The following CYP19A1 variants were observed in gnomAD, a reference collection of about 807,000 sequenced individuals.
The protein encoded by CYP19A1 is cytochrome P450 family 19 subfamily A member 1, also known as aromatase.
CYP19A1 carries 32 observed loss-of-function variants against 44.4 expected under a neutral mutation model. The observed-to-expected ratio is 0.72, with a 90% CI of 0.54 to 0.97. CYP19A1 has a LOEUF of 0.97. Ranked by LOEUF, CYP19A1 falls within the 50% of genes least tolerant of loss-of-function variation. The probability of loss-of-function intolerance (pLI) is 0.00; values close to 1 mark genes in which losing one functional copy is unlikely to be tolerated. For missense variants in CYP19A1, 598 were observed against 637.8 expected, an observed-to-expected ratio of 0.94 and a Z score of 0.67; for synonymous variants, 212 against 215.6, an observed-to-expected ratio of 0.98 and a Z score of 0.14.
chr15:51,292,013 G>A (rs534738997), intron 1 of CYP19A1, among the ~76,000 whole-genome samples: 6 of 152,312 alleles, frequency 3.9e-5, no homozygotes, highest in African/African-American at 1.2e-4. Context: ...GTGACCTCTC[G>A]TCAGTCAGTC....
chr15:51,222,591 T>C (rs2032209632), intron 4 of CYP19A1, 66 bp from the exon 5 acceptor site: 10 of 1,394,464 alleles, frequency 7.2e-6, no homozygotes, highest in Non-Finnish European at 9.1e-6. Context: ...TCATGCCATT[T>C]TGGCTTTTTA....
rs2031413642 is a variant in CYP19A1 at position 51,214,913 on chromosome 15, C to T, written c.1021+157G>A. On this transcript the variant is annotated intron_variant, in intron 8 of 9. Transcript: ENST00000396402. ...ACACAGAAAGAGCTATCTTTTCCGT[C>T]TATCTGGTGTAATCAAATGTGACAG... The T allele has an allele frequency of 2.6e-6, 3 of 1,169,698 alleles. No homozygotes were observed. The East Asian group carries it at 7.7e-5, about 30-fold the overall frequency. The allele number at this position is 1,169,698 out of a possible 1,614,324, so 72.5% of individuals were successfully genotyped here. A position where few individuals can be genotyped will look rare whatever the true frequency, so the allele number is the denominator to read the frequency against.
At chr15:51,283,879 A>G (rs1394461065) in intron 1 of CYP19A1, among the ~76,000 whole-genome samples, 1 of 152,206 alleles carries the variant, frequency 6.6e-6, no homozygotes, top group African/African-American at 2.4e-5. Context: ...CACAGCAGGC[A>G]GTGTTGCCAT....
chr15:51,302,888 T>C (rs1205320369), intron 1 of CYP19A1, among the ~76,000 whole-genome samples: 1 of 152,210 alleles, frequency 6.6e-6, no homozygotes, highest in Non-Finnish European at 1.5e-5. Flanking sequence ...CCATGTCTGA[T>C]TCATCTCTGG....
chr15:51,326,499 T>G (rs75592769), intron 1 of CYP19A1, among the ~76,000 whole-genome samples: 22 of 152,336 alleles, frequency 1.4e-4, no homozygotes, highest in African/African-American at 5.1e-4. Context: ...TTAAGCATTA[T>G]AGTAGTAAAT....
At chr15:51,216,556 A>G (rs972413583) in intron 6 of CYP19A1, among the ~76,000 whole-genome samples, 4 of 152,150 alleles carry the variant, frequency 2.6e-5, no homozygotes, top group African/African-American at 7.2e-5. Flanking sequence ...CCTGGCCCCC[A>G]TAGTCTGCTT....
At chr15:51,254,094 C>T (rs1363902235) in intron 1 of CYP19A1, among the ~76,000 whole-genome samples, 8 of 152,030 alleles carry the variant, frequency 5.3e-5, no homozygotes, top group Admixed American at 1.3e-4. Context: ...CTCTCTTAGT[C>T]GACCCCAGTT....
At position 51,242,825 on chromosome 15, in the gene CYP19A1, G is replaced by C. The variant is rs1264142154; in HGVS notation, c.88C>G (p.Leu30Val). 1.3e-6 allele frequency: 2 copies of C among 1,576,308 alleles called. No individual in the cohort carries two copies. The highest frequency in any genetic ancestry group is 2.7e-5 in the African/African-American group (2 of 74,136). Residue 30 changes from leucine (L) to valine (V), a missense_variant, in exon 2 of 10, where the codon CTC (leucine) becomes GTC (valine). Leu to Val is a conservative substitution (Grantham distance 32, BLOSUM62 1). Coordinates refer to ENST00000396402, the MANE Select transcript of CYP19A1 (RefSeq NM_000103.4). Reference sequence around the variant, plus strand: ...ACCAAGAGAAAAAGGCCAGTGAGGAGCAGGACTGGCATGGTGGCAGCAGGC... The same window carrying C: ...ACCAAGAGAAAAAGGCCAGTGAGGACCAGGACTGGCATGGTGGCAGCAGGC... The part of the protein sequence containing the change: ...AMPAATMPVL[L>V]LTGLFLLVWN...
chr15:51,296,377 G>A (rs750517051), intron 1 of CYP19A1, among the ~76,000 whole-genome samples: 4 of 152,124 alleles, frequency 2.6e-5, no homozygotes, highest in Non-Finnish European at 5.9e-5. Flanking sequence ...GCAGGTGGGG[G>A]CATGACAGGG....
chr15:51,319,170 C>T (rs1024754452), intron 1 of CYP19A1, among the ~76,000 whole-genome samples: 1 of 152,190 alleles, frequency 6.6e-6, no homozygotes, highest in Admixed American at 6.5e-5. Context: ...AAGTGTCTCA[C>T]CCCTACACCC....
chr15:51,258,484 A>ATAAAC (rs2034595493), intron 1 of CYP19A1, among the ~76,000 whole-genome samples: 3 of 152,236 alleles, frequency 2.0e-5, no homozygotes, highest in Non-Finnish European at 4.4e-5. Flanking sequence ...TGACTCTCCT[A>ATAAAC]TAAACTATCC....
chr15:51,273,763 T>C (rs1290566610), intron 1 of CYP19A1, among the ~76,000 whole-genome samples: 1 of 152,126 alleles, frequency 6.6e-6, no homozygotes, highest in Non-Finnish European at 1.5e-5. Flanking sequence ...CCCAGCACTT[T>C]GGGAGGCCAA....
intron 1 of CYP19A1, among the ~76,000 whole-genome samples, chr15:51,271,327 C>T (rs1483085094): frequency 6.6e-6 from 1 of 152,158 alleles, no homozygotes; most frequent in Non-Finnish European, 1.5e-5. Flanking sequence ...TCTGACTACC[C>T]AGTTAACCCT....
intron 1 of CYP19A1, chr15:51,279,048 G>A (rs1322147475): frequency 6.6e-6 from 1 of 152,164 alleles, no homozygotes. Flanking sequence ...GCCTCCACTG[G>A]ATAACTCCAT....
rs2032189773 is a variant in CYP19A1 at position 51,222,451 on chromosome 15, C to T, written c.526G>A (p.Glu176Lys). Residue 176 changes from glutamate to lysine, a missense_variant, in exon 5 of 10, where the codon GAG (glutamate) becomes AAG (lysine). By Grantham distance (56) the Glu-to-Lys change is moderately conservative. Transcript: ENST00000396402. ...ESLKTHLDRL[E>K]EVTNESGYVD... ...TAGCCCGATTCATTGGTCACCTCCT[C>T]CAACCTGTCCAGATGTGTTTTGAGG... The T allele has an allele frequency of 6.2e-7, 1 of 1,614,052 alleles. No homozygotes were observed. The highest frequency in any genetic ancestry group is 1.3e-5 in the African/African-American group (1 of 74,928).
At chr15:51,241,548 C>T (rs2033767843) in intron 2 of CYP19A1, among the ~76,000 whole-genome samples, 1 of 152,074 alleles carries the variant, frequency 6.6e-6, no homozygotes, top group South Asian at 2.1e-4. Flanking sequence ...TCTCCACCCC[C>T]ACCACTTACT....
At chr15:51,220,120 C>T (rs755599803) in intron 5 of CYP19A1, among the ~76,000 whole-genome samples, 25 of 152,138 alleles carry the variant, frequency 1.6e-4, no homozygotes, top group Non-Finnish European at 2.5e-4. Context: ...GTTAAAAGTA[C>T]GCATTGTTCC....
At chr15:51,302,060 T>A (rs2036125178) in intron 1 of CYP19A1, among the ~76,000 whole-genome samples, 1 of 152,144 alleles carries the variant, frequency 6.6e-6, no homozygotes, top group Admixed American at 6.5e-5. Flanking sequence ...AGTTACCCCT[T>A]CTTGATCATT....
At chr15:51,305,371 G>C (rs1375065607) in intron 1 of CYP19A1, among the ~76,000 whole-genome samples, 1 of 152,116 alleles carries the variant, frequency 6.6e-6, no homozygotes, top group South Asian at 2.1e-4. Context: ...TGGTCATAAC[G>C]TTATGATTGT....
Sources: allele counts gnomAD v4.1 joint callset (sites outside exome capture counted in the v4.1 genomes callset), GRCh38; gene constraint gnomAD v4.1.1; transcripts MANE v1.5; gene names NCBI Gene and HGNC (gene_info 2026-07-23, HGNC 2026-07-21).